KCNIP4: variants seen among roughly 807,000 people sequenced by gnomAD.
KCNIP4 encodes potassium voltage-gated channel interacting protein 4.
Under a neutral mutation model 34.0 loss-of-function variants are expected in KCNIP4, and 12 were observed. That is an observed-to-expected ratio of 0.35 (90% CI 0.23 to 0.57). The LOEUF (loss-of-function observed/expected upper bound fraction) is 0.57, where lower values mean the gene tolerates loss of function less well. Ranked by LOEUF, KCNIP4 falls within the 20% of genes least tolerant of loss-of-function variation. The pLI is 0.83. For missense variants in KCNIP4, 238 were observed against 311.7 expected (o/e 0.76, Z 1.78); for synonymous variants, 124 against 102.2 (o/e 1.21, Z -1.29).
chr4:21,201,642 T>G (rs2059487), intron 1 of KCNIP4, among the ~76,000 whole-genome samples: 67,027 of 151,894 alleles, frequency 0.44, 17,003 homozygotes, highest in African/African-American at 0.71. Flanking sequence ...GGGACTACAG[T>G]TGCCCGCCAC....
chr4:20,763,946 T>G (rs1183831221), intron 3 of KCNIP4, among the ~76,000 whole-genome samples: 1 of 152,168 alleles, frequency 6.6e-6, no homozygotes, highest in Middle Eastern at 3.2e-3. Context: ...TTTACTTGCT[T>G]CAAGTAAACA....
chr4:21,606,259 T>C (rs1743654404), intron 1 of KCNIP4, among the ~76,000 whole-genome samples: 1 of 152,140 alleles, frequency 6.6e-6, no homozygotes, highest in South Asian at 2.1e-4. Flanking sequence ...GGTAGGATAA[T>C]AACATTGAGA....
At chr4:20,872,494 A>G (rs1203210762) in intron 2 of KCNIP4, among the ~76,000 whole-genome samples, 2 of 152,156 alleles carry the variant, frequency 1.3e-5, no homozygotes, top group Non-Finnish European at 2.9e-5. Context: ...AATGCTCTGT[A>G]TTTTATAGAC....
intron 1 of KCNIP4, among the ~76,000 whole-genome samples, chr4:21,799,322 A>T (rs1456426882): frequency 6.6e-6 from 1 of 152,190 alleles, no homozygotes; most frequent in African/African-American, 2.4e-5. Context: ...TAAATGACAG[A>T]GCCAGAAATT....
At chr4:21,149,023 T>G (rs1055836700) in intron 1 of KCNIP4, among the ~76,000 whole-genome samples, 1 of 152,132 alleles carries the variant, frequency 6.6e-6, no homozygotes, top group Non-Finnish European at 1.5e-5. Flanking sequence ...ATATTTTGCT[T>G]AGGAGGAATT....
chr4:21,402,865 A>G (rs764236960), intron 1 of KCNIP4, among the ~76,000 whole-genome samples: 3 of 152,110 alleles, frequency 2.0e-5, no homozygotes, highest in Non-Finnish European at 2.9e-5. Context: ...AATACATCCT[A>G]TTTTTTAAAA....
chr4:21,314,014 A>G (rs1258118666), intron 1 of KCNIP4, among the ~76,000 whole-genome samples: 2 of 152,182 alleles, frequency 1.3e-5, no homozygotes, highest in Admixed American at 1.3e-4. Flanking sequence ...CTGTGATCAT[A>G]TCTGAAGCTC....
chr4:21,834,523 T>A (rs1222850485), intron 1 of KCNIP4, among the ~76,000 whole-genome samples: 1 of 152,196 alleles, frequency 6.6e-6, no homozygotes. Flanking sequence ...AGATATACAA[T>A]CATGTCGTCT....
rs79876297 is a variant in KCNIP4, at chr4:21,148,121, C to T, written c.62-265412G>A. 6.2e-3 allele frequency among the ~76,000 whole-genome samples: 944 copies of T among 152,164 alleles called. 12 individuals carry two copies. Among genetic ancestry groups the T allele is most frequent in the African/African-American group, 0.021 (878 of 41,516 alleles). ...TCATGTTATGAAAATCAGGAAACTG[C>T]TGCCTAATGGCTTAACCTTTGATGT... On this transcript the variant is annotated intron_variant, in intron 1 of 8. Coordinates refer to ENST00000382152, the MANE Select transcript of KCNIP4 (RefSeq NM_025221.6).
intron 1 of KCNIP4, among the ~76,000 whole-genome samples, chr4:21,245,117 C>T (rs1033256060): frequency 6.6e-6 from 1 of 152,136 alleles, no homozygotes; most frequent in Non-Finnish European, 1.5e-5. Flanking sequence ...AGCTATTTGA[C>T]CTAGGGCTGC....
At chr4:21,167,229 A>C (rs1753697588) in intron 1 of KCNIP4, among the ~76,000 whole-genome samples, 1 of 152,176 alleles carries the variant, frequency 6.6e-6, no homozygotes, top group Non-Finnish European at 1.5e-5. Context: ...TGGGAGAAAC[A>C]AGAGAAAGTT....
chr4:21,821,854 A>G lies in KCNIP4; in HGVS notation c.61+126717T>C, dbSNP rs148910178. Among the ~76,000 whole-genome samples, 169 of 152,268 alleles carry G rather than the reference A, an allele frequency of 1.1e-3. 1 individual carries two copies. Among genetic ancestry groups the G allele is most frequent in the Admixed American group, 2.3e-3 (35 of 15,280 alleles). ...ATTAAGCCTCTTATAAAATGTCACA[A>G]TGAAACAATTTTACTTAAATAGTGA... On this transcript the variant is annotated intron_variant, in intron 1 of 8. Coordinates refer to ENST00000382152, the MANE Select transcript of KCNIP4 (RefSeq NM_025221.6).
chr4:21,262,024 C>T (rs888538728), intron 1 of KCNIP4, among the ~76,000 whole-genome samples: 1 of 152,162 alleles, frequency 6.6e-6, no homozygotes, highest in Non-Finnish European at 1.5e-5. Context: ...TGCACATTTC[C>T]CCAGTCTTAT....
At chr4:21,170,834 C>T (rs1227781937) in intron 1 of KCNIP4, among the ~76,000 whole-genome samples, 1 of 152,084 alleles carries the variant, frequency 6.6e-6, no homozygotes, top group Non-Finnish European at 1.5e-5. Flanking sequence ...TTTCCTATTT[C>T]ATAGATATGG....
chr4:21,763,106 G>A lies in KCNIP4; in HGVS notation c.61+185465C>T, dbSNP rs562963483. On this transcript the variant is annotated intron_variant, in intron 1 of 8. Coordinates refer to ENST00000382152, the MANE Select transcript of KCNIP4 (RefSeq NM_025221.6). Reference sequence around the variant, plus strand: ...CACTCAGGAATGCATTCCTAACAACGAGCACAGGTTCACCAGACAATAATT... The same window carrying A: ...CACTCAGGAATGCATTCCTAACAACAAGCACAGGTTCACCAGACAATAATT... The A allele has an allele frequency of 8.5e-6, 11 of 1,287,930 alleles. No individual in the cohort carries two copies. In the East Asian group the frequency reaches 2.2e-4, roughly 26 times the overall value. The allele number at this position is 1,287,930 out of a possible 1,614,324, so 79.8% of individuals were successfully genotyped here.
chr4:21,665,363 T>A (rs1390267397), intron 1 of KCNIP4, among the ~76,000 whole-genome samples: 1 of 152,110 alleles, frequency 6.6e-6, no homozygotes, highest in Admixed American at 6.5e-5. Context: ...AAGACAGAAA[T>A]TTAATTCAAA....
intron 1 of KCNIP4, among the ~76,000 whole-genome samples, chr4:21,234,803 A>G (rs1170077106): frequency 6.6e-6 from 1 of 151,666 alleles, no homozygotes; most frequent in African/African-American, 2.4e-5. Context: ...GCCCGCTACC[A>G]TGCCCAGCTA....
chr4:20,892,526 G>A (rs1228517794), intron 1 of KCNIP4, among the ~76,000 whole-genome samples: 1 of 151,966 alleles, frequency 6.6e-6, no homozygotes, highest in Non-Finnish European at 1.5e-5. Flanking sequence ...ATCTCTGTTT[G>A]TGTCTCTCCT....
chr4:21,729,888 T>C (rs1335499612), intron 1 of KCNIP4: 2 of 152,198 alleles, frequency 1.3e-5, no homozygotes, highest in African/African-American at 4.8e-5. Context: ...TAAAGTTTAA[T>C]AAATCATAAA....
Sources: gnomAD v4.1 joint callset for allele counts (sites outside exome capture counted in the v4.1 genomes callset) on GRCh38, gnomAD v4.1.1 for gene constraint, MANE v1.5 for transcripts, NCBI Gene and HGNC (gene_info 2026-07-23, HGNC 2026-07-21) for gene names.